The following USP24 variants were observed in gnomAD, a reference collection of about 807,000 sequenced individuals.
USP24 encodes ubiquitin carboxyl-terminal hydrolase 24.
Under a neutral mutation model 361.6 loss-of-function variants are expected in USP24, and 97 were observed. The ratio of observed to expected loss-of-function variants is 0.27; its 90% confidence interval spans 0.23 to 0.32. The LOEUF (loss-of-function observed/expected upper bound fraction) is 0.32, where lower values mean the gene tolerates loss of function less well. USP24 is among the 10% of genes least tolerant of loss of function. USP24 has a pLI of 1.00. For missense variants in USP24, 2,353 were observed against 3,165.6 expected (o/e 0.74, Z 6.16); for synonymous variants, 1,098 against 1,124.6 (o/e 0.98, Z 0.47).
At chr1:55,086,311 TAATGTTCA>T (rs758062859) in intron 55 of USP24, 2 of 476,592 alleles carry the variant, frequency 4.2e-6, no homozygotes, top group Non-Finnish European at 7.7e-6. Flanking sequence ...AGTACTCCCA[TAATGTTCA>T]GCTCTAGAGG....
intron 59 of USP24, among the ~76,000 whole-genome samples, 180 bp downstream of exon 59, chr1:55,081,142 T>C (rs1008445527): frequency 2.6e-4 from 40 of 152,144 alleles, no homozygotes; most frequent in African/African-American, 8.5e-4. Context: ...TCACTTTCTC[T>C]TATGGCAAAC....
chr1:55,088,976 G>A (rs562903891), intron 55 of USP24, among the ~76,000 whole-genome samples: 6 of 151,382 alleles, frequency 4.0e-5, no homozygotes, highest in Admixed American at 2.0e-4. Flanking sequence ...GCAGTGACGC[G>A]ATCTCAGCTC....
chr1:55,084,785 G>A (rs952271423), intron 56 of USP24, among the ~76,000 whole-genome samples: 45 of 152,210 alleles, frequency 3.0e-4, no homozygotes, highest in African/African-American at 1.0e-3. Flanking sequence ...AGAATTCACT[G>A]AGCAAATGGC....
chr1:55,184,153 C>T (rs1044849710), intron 1 of USP24, among the ~76,000 whole-genome samples: 3 of 152,080 alleles, frequency 2.0e-5, no homozygotes, highest in Admixed American at 1.3e-4. Flanking sequence ...GTGTCCCAGG[C>T]TCAAATGATC....
chr1:55,199,855 G>T (rs143549745), intron 1 of USP24, among the ~76,000 whole-genome samples: 4 of 152,278 alleles, frequency 2.6e-5, no homozygotes, highest in African/African-American at 7.2e-5. Flanking sequence ...GCAAAAGAAG[G>T]AGGTTTAATT....
rs1235901509 is a variant in USP24, at chr1:55,068,457, G to A, written c.*588C>T. The A allele has an allele frequency of 6.6e-6, 1 of 152,096 alleles. No homozygotes were observed. Among genetic ancestry groups the A allele is most frequent in the Non-Finnish European group, 1.5e-5 (1 of 68,032 alleles). 9.4% of individuals were successfully genotyped at this position (152,096 alleles called of 1,614,324 possible). ...ATCAAGATCCAAGCTTATGCATAGG[G>A]TTCTCATCTAGACCCATCTGAAATT... On this transcript the variant is annotated 3_prime_UTR_variant, in exon 68 of 68. Coordinates refer to ENST00000294383, the MANE Select transcript of USP24 (RefSeq NM_015306.3).
Position 55,092,144 on chromosome 1 carries a change from G to A in USP24, c.6451-18C>T, listed in dbSNP as rs779492914. The stretch of plus-strand genomic sequence containing the variant: ...AATTTAGTCTAAGAGAGGGAAACAT[G>A]AAAGAGGATATTTTTCACAGAAGTT... On this transcript the variant is annotated intron_variant, in intron 53 of 67. Coordinates refer to ENST00000294383, the MANE Select transcript of USP24 (RefSeq NM_015306.3). 2.9e-5 allele frequency: 45 copies of A among 1,565,862 alleles called. No homozygotes were observed. The highest frequency in any genetic ancestry group is 3.7e-5 in the Non-Finnish European group (42 of 1,146,006).
intron 2 of USP24, among the ~76,000 whole-genome samples, chr1:55,176,720 C>T (rs1211834824): frequency 6.6e-6 from 1 of 152,208 alleles, no homozygotes; most frequent in African/African-American, 2.4e-5. Context: ...ATTGAACTTA[C>T]ATTTCCATGT....
intron 35 of USP24, among the ~76,000 whole-genome samples, chr1:55,123,837 G>A (rs1226114640): frequency 7.9e-5 from 12 of 152,166 alleles, no homozygotes; most frequent in Admixed American, 2.6e-4. Context: ...AATTTCAGGC[G>A]ATAGAAGTGA....
At chr1:55,073,787 T>TAA in intron 64 of USP24, 41 bp downstream of exon 64, 3 of 1,531,918 alleles carry the variant, frequency 2.0e-6, no homozygotes, top group Non-Finnish European at 2.7e-6. Flanking sequence ...GACTTGTAAT[T>TAA]AAAACACCAT....
rs777239373 is a variant in USP24, at chr1:55,097,721, A to T, written c.5596-4T>A. On this transcript the variant is annotated splice_polypyrimidine_tract_variant and splice_region_variant and intron_variant, in intron 47 of 67. Transcript: ENST00000294383. ...AGGTCCTTTTCACTGTTATTCTCTA[A>T]AGAAAAAAAAAAGGAAAAAGAGCAA... 67 of 1,531,832 alleles carry T rather than the reference A, an allele frequency of 4.4e-5. No individual in the cohort carries two copies. The highest frequency in any genetic ancestry group is 5.7e-5 in the Non-Finnish European group (65 of 1,144,922). The allele number at this position is 1,531,832 out of a possible 1,614,324, so 94.9% of individuals were successfully genotyped here.
intron 59 of USP24, among the ~76,000 whole-genome samples, chr1:55,080,970 T>C (rs1645137419): frequency 6.6e-6 from 1 of 152,172 alleles, no homozygotes; most frequent in Non-Finnish European, 1.5e-5. Flanking sequence ...AACGGTCAGG[T>C]TCACGAAACT....
At chr1:55,155,852 T>C (rs1422767429) in intron 12 of USP24, among the ~76,000 whole-genome samples, 1 of 152,170 alleles carries the variant, frequency 6.6e-6, no homozygotes, top group African/African-American at 2.4e-5. Context: ...AGCACCTCTT[T>C]GACAGTTCCA....
rs1044627926 is a variant in USP24, at chr1:55,068,483, C to T, written c.*562G>A. 3.3e-5 allele frequency: 5 copies of T among 152,444 alleles called. No individual in the cohort carries two copies. The highest frequency in any genetic ancestry group is 1.2e-4 in the African/African-American group (5 of 41,426). 9.4% of individuals were successfully genotyped at this position (152,444 alleles called of 1,614,324 possible). On this transcript the variant is annotated 3_prime_UTR_variant, in exon 68 of 68. Transcript: ENST00000294383. ...TTCTCATCTAGACCCATCTGAAATT[C>T]TATACAAATAGGGAGACATATTAAA...
intron 38 of USP24, among the ~76,000 whole-genome samples, chr1:55,116,311 G>C (rs1259349031): frequency 6.7e-6 from 1 of 149,388 alleles, no homozygotes; most frequent in East Asian, 2.0e-4. Context: ...GATTAGAGTG[G>C]AAATAAATAA....
chr1:55,145,198 T>C (rs906085969), intron 20 of USP24, among the ~76,000 whole-genome samples: 1 of 152,166 alleles, frequency 6.6e-6, no homozygotes. Flanking sequence ...ACTGAAAAAC[T>C]TGTACATGAA....
At chr1:55,163,432 G>A (rs943481180) in intron 7 of USP24, among the ~76,000 whole-genome samples, 4 of 151,752 alleles carry the variant, frequency 2.6e-5, no homozygotes, top group African/African-American at 9.7e-5. Flanking sequence ...AACAAAACAC[G>A]TCACCCAAAG....
At chr1:55,152,062 T>C (rs1178620555) in intron 16 of USP24, 1 of 878,134 alleles carries the variant, frequency 1.1e-6, no homozygotes. Flanking sequence ...CCAGGGGGCT[T>C]TGATCTTCCC....
Position 55,124,463 on chromosome 1 carries a change from C to A in USP24, c.4120+6G>T. 6.2e-7 allele frequency: 1 copy of A among 1,607,248 alleles called. No individual in the cohort carries two copies. Among genetic ancestry groups the A allele is most frequent in the South Asian group, 1.1e-5 (1 of 89,730 alleles). ...GTTCTCATTACTGTCTCTTTTTAATCAGTACCTGAACTGCTGAGTCTGTTT... is the reference window on the plus strand; with the variant it reads ...GTTCTCATTACTGTCTCTTTTTAATAAGTACCTGAACTGCTGAGTCTGTTT... On this transcript the variant is annotated splice_donor_region_variant and intron_variant, in intron 35 of 67. Coordinates refer to ENST00000294383, the MANE Select transcript of USP24 (RefSeq NM_015306.3).
Sources: allele counts gnomAD v4.1 joint callset (sites outside exome capture counted in the v4.1 genomes callset), GRCh38; gene constraint gnomAD v4.1.1; transcripts MANE v1.5; gene names NCBI Gene and HGNC (gene_info 2026-07-23, HGNC 2026-07-21).